The following MYO5C variants were observed in gnomAD, a reference collection of about 807,000 sequenced individuals.
The protein encoded by MYO5C is unconventional myosin-Vc.
MYO5C carries 194 observed loss-of-function variants against 235.7 expected under a neutral mutation model. The ratio of observed to expected loss-of-function variants is 0.82; its 90% CI spans 0.73 to 0.93. The LOEUF is 0.93. Among genes scored for constraint, MYO5C ranks in the 40% least tolerant of loss-of-function variants. The pLI is 0.00. For synonymous variants in MYO5C, 707 were observed against 754.8 expected, an observed-to-expected ratio of 0.94 and a Z score of 1.04; for missense variants, 2,038 against 2,127.2, an observed-to-expected ratio of 0.96 and a Z score of 0.82.
rs572662078 is a variant in MYO5C, at chr15:52,275,244, A to G, written c.606+318T>C. On this transcript the variant is annotated intron_variant, in intron 5 of 40. Transcript: ENST00000261839. ...CAATCAGCTCATGAATGCTGATGCC[A>G]GCTGGGTGGAGAACACCAGTGATTT... 1.6e-4 allele frequency among the ~76,000 whole-genome samples: 25 copies of G among 152,368 alleles called. No homozygotes were observed. In the East Asian group the frequency reaches 4.2e-3, roughly 26 times the overall value.
intron 38 of MYO5C, among the ~76,000 whole-genome samples, chr15:52,200,280 A>G (rs1415998641): frequency 6.6e-6 from 1 of 152,162 alleles, no homozygotes; most frequent in Non-Finnish European, 1.5e-5. Flanking sequence ...AAAGACTTAG[A>G]GTCTTGGCCA....
At chr15:52,217,154 A>T (rs1467967561) in intron 32 of MYO5C, among the ~76,000 whole-genome samples, 1 of 152,218 alleles carries the variant, frequency 6.6e-6, no homozygotes, top group African/African-American at 2.4e-5. Context: ...CCGCCGGCTA[A>T]TGTATAGAGA....
intron 22 of MYO5C, among the ~76,000 whole-genome samples, chr15:52,236,033 A>G (rs934808433): frequency 2.0e-5 from 3 of 152,190 alleles, no homozygotes; most frequent in Admixed American, 1.3e-4. Flanking sequence ...GGGCTCCTCA[A>G]TGTCAAGGAC....
rs772542108 is a variant in MYO5C, at chr15:52,246,059, ATAT to A, written c.1980-20_1980-18del. 6.8e-6 allele frequency: 11 copies of A among 1,608,102 alleles called. 1 individual carries two copies. In the Admixed American group the frequency reaches 1.7e-4, roughly 24 times the overall value. ...GAGTCAAATCTTTAAAAAGACAATG[ATAT>A]TATGTGTTGAGGCATCGTAATTGCT... is the stretch of plus-strand genomic sequence containing the variant. On this transcript the variant is annotated intron_variant, in intron 16 of 40. Transcript: ENST00000261839.
At chr15:52,220,387 C>G (rs2035648811) in intron 30 of MYO5C, among the ~76,000 whole-genome samples, 1 of 152,146 alleles carries the variant, frequency 6.6e-6, no homozygotes, top group Non-Finnish European at 1.5e-5. Flanking sequence ...GGATCTCACT[C>G]TGTCACCCAG....
intron 1 of MYO5C, among the ~76,000 whole-genome samples, chr15:52,284,007 C>G (rs1313464664): frequency 6.6e-6 from 1 of 152,058 alleles, no homozygotes; most frequent in African/African-American, 2.4e-5. Context: ...ATAAGAGACA[C>G]CTGAGAGTTT....
chr15:52,256,615 C>T, intron 11 of MYO5C, 24 bp downstream of exon 11: 2 of 1,278,132 alleles, frequency 1.6e-6, no homozygotes, highest in Non-Finnish European at 2.2e-6. Context: ...GAGAACTAGT[C>T]AAGAAGGCAG....
intron 7 of MYO5C, among the ~76,000 whole-genome samples, chr15:52,271,118 G>A (rs2036915747): frequency 6.6e-6 from 1 of 152,160 alleles, no homozygotes; most frequent in Admixed American, 6.5e-5. Flanking sequence ...TAATAAGTGG[G>A]TTAACATGTC....
At chr15:52,274,678 C>CCA (rs1055434950) in intron 5 of MYO5C, among the ~76,000 whole-genome samples, 45 of 147,600 alleles carry the variant, frequency 3.0e-4, no homozygotes, top group Non-Finnish European at 5.2e-4. Context: ...GTACCCCCCC[C>CCA]CCGACATATG....
At chr15:52,292,737 C>T (rs1219352708) in intron 1 of MYO5C, among the ~76,000 whole-genome samples, 2 of 152,232 alleles carry the variant, frequency 1.3e-5, no homozygotes, top group African/African-American at 4.8e-5. Flanking sequence ...TGTTACCAGG[C>T]AATATGGAAG....
intron 14 of MYO5C, among the ~76,000 whole-genome samples, chr15:52,248,437 C>A (rs549345662): frequency 6.6e-6 from 1 of 152,198 alleles, no homozygotes; most frequent in Non-Finnish European, 1.5e-5. Flanking sequence ...TGAGCCACCA[C>A]GTCTGGCTGG....
rs2035748848 is a variant in MYO5C, at chr15:52,223,542, A to G, written c.3627+2T>C. On this transcript the variant is annotated splice_donor_variant, in intron 29 of 40. Transcript: ENST00000261839. LOFTEE classifies it high-confidence loss of function. ...GACTGGGGCCCCTGGCTGAGACCAT[A>G]CCATGTTCTCTGATGTTAGCCTGGT... 1 of 1,613,052 alleles carries G rather than the reference A, an allele frequency of 6.2e-7. No individual in the cohort carries two copies. Among genetic ancestry groups the G allele is most frequent in the African/African-American group, 1.3e-5 (1 of 74,884 alleles).
At chr15:52,211,654 A>G in intron 35 of MYO5C, 76 bp downstream of exon 35, 1 of 1,486,902 alleles carries the variant, frequency 6.7e-7, no homozygotes, top group Non-Finnish European at 9.2e-7. Context: ...ATGGAGGCTC[A>G]GGATGGGCAA....
At chr15:52,226,175 A>G (rs191810779) in intron 25 of MYO5C, among the ~76,000 whole-genome samples, 1 of 152,312 alleles carries the variant, frequency 6.6e-6, no homozygotes, top group Admixed American at 6.5e-5. Context: ...TTCTCTTTTA[A>G]TGGATAATAA....
At chr15:52,198,717 G>C (rs1337857564) in intron 38 of MYO5C, among the ~76,000 whole-genome samples, 2 of 151,950 alleles carry the variant, frequency 1.3e-5, no homozygotes, top group East Asian at 3.9e-4. Flanking sequence ...GAGTAGGTGG[G>C]ACTACAGGCG....
intron 10 of MYO5C, among the ~76,000 whole-genome samples, chr15:52,260,289 G>A (rs545260429): frequency 2.0e-5 from 3 of 152,338 alleles, no homozygotes; most frequent in Non-Finnish European, 2.9e-5. Context: ...ACCCAAGAAC[G>A]GAAAAGGATT....
chr15:52,235,602 CA>C, intron 23 of MYO5C, 67 bp downstream of exon 23: 1 of 1,283,488 alleles, frequency 7.8e-7, no homozygotes, highest in Non-Finnish European at 1.1e-6. Flanking sequence ...TAAAACTGGT[CA>C]ACCCCAGTAT....
Position 52,204,978 on chromosome 15 carries a change from G to A in MYO5C, c.4707C>T (p.Pro1569=), listed in dbSNP as rs1596136297. Residue 1569 remains proline (P), a synonymous_variant, in exon 38 of 41, where the codon CCC becomes CCT. Transcript: ENST00000261839. Reference sequence around the variant, plus strand: ...GCTTCACCGCCTGCCTCACAAGCTCGGGGTCCAGGCCGTTCTGGCACATGG... The same window carrying A: ...GCTTCACCGCCTGCCTCACAAGCTCAGGGTCCAGGCCGTTCTGGCACATGG... The part of the protein sequence containing the change: ...YTTMCQNGLD[P]ELVRQAVKQL... 3 of 1,614,208 alleles carry A rather than the reference G, an allele frequency of 1.9e-6. No homozygotes were observed. Among genetic ancestry groups the A allele is most frequent in the East Asian group, 2.2e-5 (1 of 44,870 alleles).
intron 4 of MYO5C, chr15:52,278,077 G>C (rs921228693): frequency 1.0e-5 from 4 of 399,722 alleles, no homozygotes; most frequent in African/African-American, 8.3e-5. Flanking sequence ...AGTGCTGTAA[G>C]ACTCAAGGGA....
Sources: gnomAD v4.1 joint callset for allele counts (sites outside exome capture counted in the v4.1 genomes callset) on GRCh38, gnomAD v4.1.1 for gene constraint, MANE v1.5 for transcripts, NCBI Gene and HGNC (gene_info 2026-07-23, HGNC 2026-07-21) for gene names.